Variants in ALKBH8 observed in about 807,000 individuals in gnomAD.
ALKBH8 encodes tRNA (carboxymethyluridine(34)-5-O)-methyltransferase ALKBH8.
Under a neutral mutation model 59.8 loss-of-function variants are expected in ALKBH8, and 36 were observed. The ratio of observed to expected loss-of-function variants is 0.60; its 90% confidence interval spans 0.46 to 0.79. ALKBH8 has a LOEUF of 0.79. ALKBH8 is among the 30% of genes least tolerant of loss of function. The pLI, the probability that ALKBH8 is intolerant of heterozygous loss-of-function variation, is 0.00. For missense variants in ALKBH8, 768 were observed against 801.0 expected (o/e 0.96, Z 0.50); for synonymous variants, 276 against 273.6 (o/e 1.01, Z -0.09).
rs1864913565 is a variant in ALKBH8 at position 107,560,960 on chromosome 11, T to C, written c.-6-61A>G. The C allele has an allele frequency of 2.8e-6, 4 of 1,426,080 alleles. No homozygotes were observed. The East Asian group carries it at 6.9e-5, about 25-fold the overall frequency. The allele number at this position is 1,426,080 out of a possible 1,614,324, so 88.3% of individuals were successfully genotyped here. A position where few individuals can be genotyped will look rare whatever the true frequency, so the allele number is the denominator to read the frequency against. On this transcript the variant is annotated intron_variant, in intron 1 of 11. Transcript: ENST00000428149. Reference sequence around the variant, plus strand: ...AAGAGTCCTGAAGGAACAATTATAATGATGTTATTCATACATTCTATAGTT... The same window carrying C: ...AAGAGTCCTGAAGGAACAATTATAACGATGTTATTCATACATTCTATAGTT...
At chr11:107,554,097 A>G in intron 3 of ALKBH8, 119 bp from the exon 4 acceptor site, 1 of 1,297,426 alleles carries the variant, frequency 7.7e-7, no homozygotes, top group Non-Finnish European at 1.1e-6. Flanking sequence ...TTCGGAAACA[A>G]GATTGCTGAA....
chr11:107,529,482 T>C (rs1005069572), intron 8 of ALKBH8, among the ~76,000 whole-genome samples: 3 of 151,380 alleles, frequency 2.0e-5, no homozygotes, highest in Non-Finnish European at 2.9e-5. Flanking sequence ...ACATACATTC[T>C]CATTCAGGCT....
chr11:107,522,248 G>A (rs568806408), intron 10 of ALKBH8, 51 bp downstream of exon 10: 22 of 1,537,252 alleles, frequency 1.4e-5, no homozygotes, highest in Middle Eastern at 1.8e-4. Context: ...GAAAGATGAT[G>A]ATAACCACTG....
In ALKBH8 at chr11:107,550,543, C is replaced by T. The variant is rs73553684; in HGVS notation, c.701-720G>A. 5.4e-3 allele frequency among the ~76,000 whole-genome samples: 816 copies of T among 152,318 alleles called. 6 individuals are homozygous for T. Among genetic ancestry groups the T allele is most frequent in the African/African-American group, 0.019 (772 of 41,560 alleles). On this transcript the variant is annotated intron_variant, in intron 6 of 11. Transcript: ENST00000428149. ...GCGTCTTTAAGAGTGGCCCCGGCCTCTGTGCTCTACAGGAACGGCCTCTGC... is the reference window on the plus strand; with the variant it reads ...GCGTCTTTAAGAGTGGCCCCGGCCTTTGTGCTCTACAGGAACGGCCTCTGC...
Position 107,560,782 on chromosome 11 carries a change from C to G in ALKBH8, c.112G>C (p.Val38Leu). ...TAGGTCACCTGAGTGGCATAGGATA[C>G]TGTCTCAATGCCTTCATGTCTCAGC... ...TLLRHEGIET[V>L]SYATQSLVVA... Residue 38 changes from valine (V) to leucine (L), a missense_variant, in exon 2 of 12, where the codon GTA becomes CTA. By Grantham distance (32) the Val-to-Leu change is conservative. Transcript: ENST00000428149. The G allele has an allele frequency of 6.2e-7, 1 of 1,611,966 alleles. No homozygotes were observed. The highest frequency in any genetic ancestry group is 1.3e-5 in the African/African-American group (1 of 74,906).
rs61746596 is a variant in ALKBH8, at chr11:107,525,446, T to C, written c.1025A>G (p.Asn342Ser). The C allele has an allele frequency of 3.8e-4, 590 of 1,544,776 alleles. 5 individuals are homozygous for C. The African/African-American group carries it at 7.2e-3, about 19-fold the overall frequency. ...AGATAAGAGTATATACTTACTACAG[T>C]TACAAGGTGTTTGCCTCACTTTCCT... ...TFRKVRQTPCNCSYPLVCDSQ... is the reference protein window; with the variant it reads ...TFRKVRQTPCSCSYPLVCDSQ... Residue 342 changes from asparagine (N) to serine (S), a missense_variant, in exon 9 of 12, where the codon AAC becomes AGC. Transcript: ENST00000428149.
intron 11 of ALKBH8, among the ~76,000 whole-genome samples, chr11:107,510,298 TAAAG>T (rs1862568245): frequency 6.6e-6 from 1 of 151,984 alleles, no homozygotes; most frequent in African/African-American, 2.4e-5. Context: ...TTTTGTTCTT[TAAAG>T]AAAGAAAGAA....
chr11:107,505,195 G>A lies in ALKBH8; in HGVS notation c.1458C>T (p.Leu486=). ...GTCTCAGGAGTCGAACAATTTCTTG[G>A]AGAGCTGCCACTCTACGCTCCTAAT... ...FATAERRVAA[L]QEIVRLLRPG... The change falls in exon 12 of 12, where the codon CTC becomes CTT. Residue 486 remains leucine (L), a synonymous_variant. Coordinates refer to ENST00000428149, the MANE Select transcript of ALKBH8 (RefSeq NM_138775.3). The A allele has an allele frequency of 3.9e-6, 6 of 1,546,426 alleles. No homozygotes were observed. Among genetic ancestry groups the A allele is most frequent in the Non-Finnish European group, 5.2e-6 (6 of 1,144,174 alleles).
At chr11:107,524,047 G>A (rs1010144538) in intron 9 of ALKBH8, among the ~76,000 whole-genome samples, 2 of 151,758 alleles carry the variant, frequency 1.3e-5, no homozygotes, top group Non-Finnish European at 2.9e-5. Flanking sequence ...TATAATTTGG[G>A]GGGTTTTCTG....
intron 1 of ALKBH8, among the ~76,000 whole-genome samples, chr11:107,561,362 G>C (rs1336441216): frequency 6.6e-6 from 1 of 151,226 alleles, no homozygotes; most frequent in Non-Finnish European, 1.5e-5. Context: ...ATATTATTTA[G>C]AAATACATAC....
chr11:107,505,836 CA>C (rs1862360604), intron 11 of ALKBH8, among the ~76,000 whole-genome samples: 1 of 152,156 alleles, frequency 6.6e-6, no homozygotes, highest in Admixed American at 6.5e-5. Context: ...AGAATATGAG[CA>C]GAATGCAGAG....
intron 7 of ALKBH8, among the ~76,000 whole-genome samples, chr11:107,543,727 A>C (rs1864139218): frequency 6.6e-6 from 1 of 152,086 alleles, no homozygotes. Context: ...TTTCTATAGA[A>C]GCCAAGTTGA....
intron 8 of ALKBH8, among the ~76,000 whole-genome samples, chr11:107,530,915 T>A (rs532303017): frequency 3.0e-4 from 46 of 152,266 alleles, no homozygotes; most frequent in Non-Finnish European, 5.0e-4. Flanking sequence ...TCACAATATA[T>A]CCATGAAAAG....
chr11:107,564,669 A>G (rs1364359987), intron 1 of ALKBH8, among the ~76,000 whole-genome samples: 1 of 152,200 alleles, frequency 6.6e-6, no homozygotes, highest in Non-Finnish European at 1.5e-5. Flanking sequence ...AAATTTTTAG[A>G]AAAAAATTCA....
rs552772627 is a variant in ALKBH8, at chr11:107,561,588, A to C, written c.-6-689T>G. On this transcript the variant is annotated intron_variant, in intron 1 of 11. Transcript: ENST00000428149. ...TTATATCTACAATTTTTTAAATAAC[A>C]GAATCCCAAAGAGGTCTCTATAATC... is the stretch of plus-strand genomic sequence containing the variant. Among the ~76,000 whole-genome samples, 14 of 152,352 alleles carry C rather than the reference A, an allele frequency of 9.2e-5. No homozygotes were observed. In the South Asian group the frequency reaches 2.9e-3, roughly 32 times the overall value.
chr11:107,554,123 T>A, intron 3 of ALKBH8, 145 bp from the exon 4 acceptor site: 1 of 965,032 alleles, frequency 1.0e-6, no homozygotes, highest in Non-Finnish European at 1.5e-6. Flanking sequence ...CCCAACATAT[T>A]AAAAGTGCAG....
intron 8 of ALKBH8, among the ~76,000 whole-genome samples, chr11:107,527,845 T>C (rs982571971): frequency 1.3e-5 from 2 of 152,038 alleles, no homozygotes; most frequent in Admixed American, 6.5e-5. Context: ...AGATATCCAA[T>C]ATAGCATTAA....
At chr11:107,554,908 T>C (rs1431377614) in intron 3 of ALKBH8, among the ~76,000 whole-genome samples, 1 of 149,128 alleles carries the variant, frequency 6.7e-6, no homozygotes, top group Non-Finnish European at 1.5e-5. Flanking sequence ...GAATTAAAAA[T>C]ATCTCTTCTA....
intron 7 of ALKBH8, among the ~76,000 whole-genome samples, chr11:107,541,672 G>T (rs902639405): frequency 1.3e-5 from 2 of 152,088 alleles, no homozygotes; most frequent in African/African-American, 4.8e-5. Flanking sequence ...AATCACCTGT[G>T]AGCTTTCTAT....
Sources: gnomAD v4.1 joint callset for allele counts (sites outside exome capture counted in the v4.1 genomes callset) on GRCh38, gnomAD v4.1.1 for gene constraint, MANE v1.5 for transcripts, NCBI Gene and HGNC (gene_info 2026-07-23, HGNC 2026-07-21) for gene names.